GRID1: variants seen among roughly 807,000 people sequenced by gnomAD.
GRID1 encodes the protein glutamate receptor ionotropic, delta-1.
In GRID1, 28 loss-of-function variants were observed where a neutral mutation model predicts 98.0. The ratio of observed to expected loss-of-function variants is 0.29; its 90% confidence interval spans 0.21 to 0.39. The LOEUF is 0.39. GRID1 is among the 10% of genes least tolerant of loss of function. GRID1 has a pLI of 1.00. For synonymous variants in GRID1, 553 were observed against 538.5 expected, an observed-to-expected ratio of 1.03 and a Z score of -0.37; for missense variants, 1,111 against 1,340.5, an observed-to-expected ratio of 0.83 and a Z score of 2.67.
At chr10:86,099,254 T>C (rs1176702822) in intron 4 of GRID1, among the ~76,000 whole-genome samples, 2 of 152,150 alleles carry the variant, frequency 1.3e-5, no homozygotes, top group Non-Finnish European at 2.9e-5. Context: ...AAGAGTCAAA[T>C]GAATCATAGA....
intron 14 of GRID1, among the ~76,000 whole-genome samples, chr10:85,617,843 A>G (rs1842809815): frequency 6.6e-6 from 1 of 152,140 alleles, no homozygotes; most frequent in Admixed American, 6.5e-5. Flanking sequence ...CAGGGACCTC[A>G]CGGTCAGTGA....
At chr10:85,958,028 G>C (rs1309682989) in intron 4 of GRID1, among the ~76,000 whole-genome samples, 1 of 152,172 alleles carries the variant, frequency 6.6e-6, no homozygotes, top group Non-Finnish European at 1.5e-5. Flanking sequence ...AGCTACTCAG[G>C]GCCATGATGG....
intron 4 of GRID1, among the ~76,000 whole-genome samples, chr10:86,048,108 C>T (rs1392458075): frequency 6.6e-6 from 1 of 152,150 alleles, no homozygotes; most frequent in African/African-American, 2.4e-5. Flanking sequence ...CTTTGGGAAG[C>T]AAATTCCAGA....
intron 4 of GRID1, among the ~76,000 whole-genome samples, chr10:86,015,998 G>T (rs1842975198): frequency 6.6e-6 from 1 of 152,064 alleles, no homozygotes; most frequent in Non-Finnish European, 1.5e-5. Context: ...TTGAGGGGTT[G>T]CCACATAGAC....
intron 2 of GRID1, among the ~76,000 whole-genome samples, chr10:86,338,755 G>T (rs563022205): frequency 6.6e-6 from 1 of 152,168 alleles, no homozygotes; most frequent in South Asian, 2.1e-4. Context: ...ACAGGGTTTC[G>T]CCATGTTGGT....
In GRID1 at chr10:85,602,217, A is replaced by G; in HGVS notation, c.*56T>C. 2 of 1,112,550 alleles carry G rather than the reference A, an allele frequency of 1.8e-6. No individual in the cohort carries two copies. Among genetic ancestry groups the G allele is most frequent in the Non-Finnish European group, 1.3e-6 (1 of 799,168 alleles). 68.9% of individuals were successfully genotyped at this position (1,112,550 alleles called of 1,614,324 possible). A position where few individuals can be genotyped will look rare whatever the true frequency, so the allele number is the denominator to read the frequency against. On this transcript the variant is annotated 3_prime_UTR_variant, in exon 16 of 16. Coordinates refer to ENST00000327946, the MANE Select transcript of GRID1 (RefSeq NM_017551.3). Reference sequence around the variant, plus strand: ...GTTTGTGTTGTTGTTTTCTTGTATTAAAAAGCTCTGCTGGTCGGGTGGGTG... The same window carrying G: ...GTTTGTGTTGTTGTTTTCTTGTATTGAAAAGCTCTGCTGGTCGGGTGGGTG...
At chr10:86,085,384 T>C (rs1844036895) in intron 4 of GRID1, among the ~76,000 whole-genome samples, 1 of 151,788 alleles carries the variant, frequency 6.6e-6, no homozygotes, top group Non-Finnish European at 1.5e-5. Flanking sequence ...GAAGTTAGGG[T>C]GGAACTGGCA....
At chr10:86,249,886 G>A (rs2132048055) in intron 2 of GRID1, among the ~76,000 whole-genome samples, 1 of 152,322 alleles carries the variant, frequency 6.6e-6, no homozygotes, top group Admixed American at 6.5e-5. Flanking sequence ...ATGGATGGAT[G>A]GTGGAAGGAT....
intron 4 of GRID1, among the ~76,000 whole-genome samples, chr10:85,955,010 CA>C (rs767164136): frequency 7.2e-5 from 11 of 152,046 alleles, no homozygotes; most frequent in African/African-American, 2.7e-4. Flanking sequence ...TACAAGTATA[CA>C]AAAAATACAA....
intron 2 of GRID1, among the ~76,000 whole-genome samples, chr10:86,278,995 G>A (rs1392882388): frequency 1.3e-5 from 2 of 152,146 alleles, no homozygotes; most frequent in African/African-American, 2.4e-5. Context: ...ATGTGTAATG[G>A]ACTGAATGTT....
chr10:85,637,181 G>T (rs1198747272), intron 13 of GRID1, among the ~76,000 whole-genome samples: 1 of 152,152 alleles, frequency 6.6e-6, no homozygotes, highest in Non-Finnish European at 1.5e-5. Flanking sequence ...TAAAACGTTT[G>T]TAGAAATTCT....
intron 4 of GRID1, among the ~76,000 whole-genome samples, chr10:86,095,729 TGTG>T (rs761397789): frequency 3.9e-5 from 6 of 152,164 alleles, no homozygotes; most frequent in Non-Finnish European, 8.8e-5. Flanking sequence ...TTGGCGCAGA[TGTG>T]GTGAACAGGG....
At chr10:86,186,195 G>T (rs936018287) in intron 3 of GRID1, among the ~76,000 whole-genome samples, 1 of 152,148 alleles carries the variant, frequency 6.6e-6, no homozygotes, top group South Asian at 2.1e-4. Context: ...TGTCAAATGT[G>T]TTGGCATAAG....
intron 4 of GRID1, among the ~76,000 whole-genome samples, chr10:85,949,570 C>G (rs1381645543): frequency 2.6e-5 from 4 of 152,010 alleles, no homozygotes; most frequent in Admixed American, 2.6e-4. Flanking sequence ...CAGGTTTTTG[C>G]TATTATGGAT....
intron 4 of GRID1, among the ~76,000 whole-genome samples, chr10:85,979,905 C>A (rs1842523637): frequency 6.6e-6 from 1 of 152,368 alleles, no homozygotes; most frequent in East Asian, 1.9e-4. Flanking sequence ...AGCCTCCTAG[C>A]TGATCTTCAC....
Position 85,879,574 on chromosome 10 carries a change from G to A in GRID1, c.781-10394C>T, listed in dbSNP as rs577280971. 6.6e-5 allele frequency among the ~76,000 whole-genome samples: 10 copies of A among 152,142 alleles called. No homozygotes were observed. In the South Asian group the frequency reaches 1.2e-3, roughly 19 times the overall value. On this transcript the variant is annotated intron_variant, in intron 5 of 15. Coordinates refer to ENST00000327946, the MANE Select transcript of GRID1 (RefSeq NM_017551.3). ...AATAAAGATGTTCTTTGAAACCAACGAGAACAAAGACAAAACATACGAGAA... is the reference window on the plus strand; with the variant it reads ...AATAAAGATGTTCTTTGAAACCAACAAGAACAAAGACAAAACATACGAGAA...
intron 12 of GRID1, among the ~76,000 whole-genome samples, chr10:85,700,242 CT>C (rs1284124169): frequency 1.3e-5 from 2 of 152,140 alleles, no homozygotes; most frequent in Non-Finnish European, 2.9e-5. Flanking sequence ...AGTTGCTATT[CT>C]TATCCCTACA....
At chr10:86,148,718 C>T (rs1394001098) in intron 3 of GRID1, among the ~76,000 whole-genome samples, 7 of 151,380 alleles carry the variant, frequency 4.6e-5, no homozygotes, top group African/African-American at 1.7e-4. Flanking sequence ...TTGTATACCA[C>T]AAAAAAAATA....
At chr10:85,788,288 C>A (rs1174805649) in intron 8 of GRID1, among the ~76,000 whole-genome samples, 3 of 152,094 alleles carry the variant, frequency 2.0e-5, no homozygotes, top group African/African-American at 7.2e-5. Context: ...GCGCAGTGAG[C>A]CTGGCCAGAA....
Sources: allele counts gnomAD v4.1 joint callset (sites outside exome capture counted in the v4.1 genomes callset), GRCh38; gene constraint gnomAD v4.1.1; transcripts MANE v1.5; gene names NCBI Gene and HGNC (gene_info 2026-07-23, HGNC 2026-07-21).